The following DDX59 variants were observed in gnomAD, a reference collection of about 807,000 sequenced individuals.
DDX59 encodes the protein probable ATP-dependent RNA helicase DDX59.
Under a neutral mutation model 51.9 loss-of-function variants are expected in DDX59, and 30 were observed. That is an observed-to-expected ratio of 0.58 (90% CI 0.43 to 0.78). The LOEUF (loss-of-function observed/expected upper bound fraction) is 0.78. Among genes scored for constraint, DDX59 ranks in the 30% least tolerant of loss-of-function variants. DDX59 has a pLI of 0.00. For synonymous variants in DDX59, 255 were observed against 253.3 expected (o/e 1.01, Z -0.06); for missense variants, 672 against 730.8 (o/e 0.92, Z 0.93).
rs1359588116 is a variant in DDX59 at position 200,666,401 on chromosome 1, A to C, written c.340T>G (p.Tyr114Asp). 1 of 1,614,120 alleles carries C rather than the reference A, an allele frequency of 6.2e-7. No homozygotes were observed. Among genetic ancestry groups the C allele is most frequent in the Admixed American group, 1.7e-5 (1 of 60,022 alleles). The change falls in exon 2 of 8, where the codon TAT becomes GAT. Residue 114 changes from tyrosine (Y) to aspartate (D), a missense_variant. Tyr to Asp is a radical substitution (Grantham distance 160). Transcript: ENST00000331314. ...GTCTTATCACAGATATACTCTCCAT[A>C]ACGACCACAGACAACACAGATGGGT... Reference protein sequence around the residue: ...GEPICVVCGRYGEYICDKTDE... With the variant: ...GEPICVVCGRDGEYICDKTDE...
intron 4 of DDX59, among the ~76,000 whole-genome samples, chr1:200,653,381 C>G (rs184891884): frequency 9.8e-5 from 15 of 152,294 alleles, no homozygotes; most frequent in Admixed American, 7.2e-4. Flanking sequence ...TTCATCTGTT[C>G]TCTTTACCAC....
At chr1:200,660,946 T>C (rs1022062989) in intron 3 of DDX59, among the ~76,000 whole-genome samples, 7 of 152,208 alleles carry the variant, frequency 4.6e-5, no homozygotes, top group African/African-American at 9.7e-5. Context: ...CCTAGCTCTA[T>C]CCACTGGGAA....
chr1:200,649,074 C>A lies in DDX59; in HGVS notation c.1467G>T (p.Lys489Asn). The A allele has an allele frequency of 6.4e-7, 1 of 1,554,594 alleles. No individual in the cohort carries two copies. Residue 489 changes from lysine (K) to asparagine (N), a missense_variant and splice_region_variant, in exon 6 of 8, where the codon AAG (lysine) becomes AAT (asparagine). Transcript: ENST00000331314. ...GAATATAGAATATTGGGTGTCAAAC[C>A]TTCAATATGTTTTTCCTTTCTATTT... Reference protein sequence around the residue: ...KSQIERKNILKGLLEGDYEVV... With the variant: ...KSQIERKNILNGLLEGDYEVV...
rs536278651 is a variant in DDX59, at chr1:200,662,427, G to C, written c.972+1492C>G. On this transcript the variant is annotated intron_variant, in intron 3 of 7. Coordinates refer to ENST00000331314, the MANE Select transcript of DDX59 (RefSeq NM_001031725.6). ...ATGTGTGCTTTGGGAGGCCGAGGCAGGTGGATCACCTGAGCTCAGGAGTTT... is the reference window on the plus strand; with the variant it reads ...ATGTGTGCTTTGGGAGGCCGAGGCACGTGGATCACCTGAGCTCAGGAGTTT... Among the ~76,000 whole-genome samples the C allele has an allele frequency of 5.3e-5, 8 of 152,264 alleles. No homozygotes were observed. The South Asian group carries it at 1.7e-3, about 32-fold the overall frequency.
chr1:200,651,293 G>A (rs928205656), intron 4 of DDX59, among the ~76,000 whole-genome samples: 3 of 152,096 alleles, frequency 2.0e-5, no homozygotes, highest in African/African-American at 4.8e-5. Flanking sequence ...GGTCTGAACT[G>A]TGGTGATCCC....
intron 4 of DDX59, among the ~76,000 whole-genome samples, chr1:200,651,961 T>C (rs1222815505): frequency 7.3e-6 from 1 of 137,234 alleles, no homozygotes; most frequent in Non-Finnish European, 1.5e-5. Flanking sequence ...TGAGCCGAGA[T>C]CGTGCCAGTG....
rs748521357 is a variant in DDX59, at chr1:200,644,285, C to T, written c.1829G>A (p.Arg610Lys). 7.7e-6 allele frequency: 12 copies of T among 1,557,794 alleles called. No homozygotes were observed. The highest frequency in any genetic ancestry group is 1.0e-5 in the Non-Finnish European group (12 of 1,155,716). ...VTGANLMDII[R>K]KHDKSNSQK is the part of the protein sequence containing the mutation. Reference sequence around the variant, plus strand: ...CTGAGAATTACTTTTATCATGTTTTCTGATAATATCCATAAGATTAGCTCC... The same window carrying T: ...CTGAGAATTACTTTTATCATGTTTTTTGATAATATCCATAAGATTAGCTCC... Residue 610 changes from arginine (R) to lysine (K), a missense_variant, in exon 8 of 8, where the codon AGA (arginine) becomes AAA (lysine). Transcript: ENST00000331314.
At chr1:200,664,168 G>C in intron 2 of DDX59, 82 bp from the exon 3 acceptor site, 2 of 1,467,388 alleles carry the variant, frequency 1.4e-6, no homozygotes, top group Non-Finnish European at 9.2e-7. Flanking sequence ...AAGGATTCCA[G>C]GAACATGGCC....
intron 4 of DDX59, chr1:200,654,664 G>A (rs1477256003): frequency 6.6e-6 from 1 of 152,428 alleles, no homozygotes; most frequent in Non-Finnish European, 1.5e-5. Flanking sequence ...GGGGGAGTGA[G>A]GGATTTCAGA....
chr1:200,668,057 G>A (rs1450305418), intron 1 of DDX59, among the ~76,000 whole-genome samples: 1 of 152,108 alleles, frequency 6.6e-6, no homozygotes, highest in Non-Finnish European at 1.5e-5. Flanking sequence ...CTAGCACTTT[G>A]GGAGGCCGAG....
intron 3 of DDX59, among the ~76,000 whole-genome samples, chr1:200,661,980 T>C (rs1239816533): frequency 6.6e-6 from 1 of 152,078 alleles, no homozygotes; most frequent in Non-Finnish European, 1.5e-5. Context: ...TAAAAGTGTG[T>C]AGCACCTCCC....
chr1:200,660,769 T>A (rs1259792829), intron 3 of DDX59, among the ~76,000 whole-genome samples: 2 of 152,132 alleles, frequency 1.3e-5, no homozygotes, highest in Admixed American at 1.3e-4. Context: ...CAACATGGAT[T>A]TCAACTGTGT....
intron 2 of DDX59, among the ~76,000 whole-genome samples, chr1:200,665,149 G>A (rs1007797713): frequency 6.6e-6 from 1 of 152,178 alleles, no homozygotes; most frequent in Non-Finnish European, 1.5e-5. Context: ...ATGAACCATA[G>A]ATCACATTTA....
At chr1:200,659,705 TTTG>T (rs994236939) in intron 3 of DDX59, among the ~76,000 whole-genome samples, 1 of 152,158 alleles carries the variant, frequency 6.6e-6, no homozygotes, top group Non-Finnish European at 1.5e-5. Flanking sequence ...ATGGGGGCTT[TTTG>T]TTGTTGTTGT....
chr1:200,649,088 T>C lies in DDX59; in HGVS notation c.1453A>G (p.Lys485Glu). ...IHSEKSQIER[K>E]NILKGLLEGD... ...GGGTGTCAAACCTTCAATATGTTTTTCCTTTCTATTTGCGACTTCTCTGAA... is the reference window on the plus strand; with the variant it reads ...GGGTGTCAAACCTTCAATATGTTTTCCCTTTCTATTTGCGACTTCTCTGAA... Residue 485 changes from lysine (K) to glutamate (E), a missense_variant, in exon 6 of 8, where the codon AAA becomes GAA. Transcript: ENST00000331314. 6.4e-7 allele frequency: 1 copy of C among 1,565,652 alleles called. No individual in the cohort carries two copies. The highest frequency in any genetic ancestry group is 8.6e-7 in the Non-Finnish European group (1 of 1,163,998).
chr1:200,652,534 T>C (rs1661732338), intron 4 of DDX59, among the ~76,000 whole-genome samples: 2 of 152,016 alleles, frequency 1.3e-5, no homozygotes, highest in South Asian at 4.2e-4. Flanking sequence ...CACACCCATC[T>C]AATTTTGTAT....
Position 200,659,078 on chromosome 1 carries a change from T to C in DDX59, c.1011A>G (p.Ile337Met). The change falls in exon 4 of 8, where the codon ATA becomes ATG. Residue 337 changes from isoleucine to methionine, a missense_variant. Physicochemically the swap from Ile to Met is conservative, Grantham distance 10. Transcript: ENST00000331314. ...CACAGAGTTCTACAGAGCTCTGCTT[T>C]ATTATATCCAGAAGTCGCCCAGGGG... ...IATPGRLLDI[I>M]KQSSVELCGV... The C allele has an allele frequency of 6.2e-7, 1 of 1,613,892 alleles. No homozygotes were observed.
chr1:200,659,648 G>C (rs1014914442), intron 3 of DDX59, among the ~76,000 whole-genome samples: 3 of 152,148 alleles, frequency 2.0e-5, no homozygotes, highest in African/African-American at 7.2e-5. Flanking sequence ...TGATTTCTAA[G>C]GTTGCTTAAG....
Position 200,652,179 on chromosome 1 carries a change from G to A in DDX59, c.1063-1503C>T, listed in dbSNP as rs192689283. 1.7e-3 allele frequency among the ~76,000 whole-genome samples: 264 copies of A among 152,158 alleles called. 1 individual carries two copies. Among genetic ancestry groups the A allele is most frequent in the African/African-American group, 6.0e-3 (248 of 41,488 alleles). On this transcript the variant is annotated intron_variant, in intron 4 of 7. Transcript: ENST00000331314. ...GCATGGGGGTGTTTGTTTTGAGACAGGGTCTTGCTGTCGCACAGGCTGTAG... is the reference window on the plus strand; with the variant it reads ...GCATGGGGGTGTTTGTTTTGAGACAAGGTCTTGCTGTCGCACAGGCTGTAG...
Sources: allele counts gnomAD v4.1 joint callset (sites outside exome capture counted in the v4.1 genomes callset), GRCh38; gene constraint gnomAD v4.1.1; transcripts MANE v1.5; gene names NCBI Gene and HGNC (gene_info 2026-07-23, HGNC 2026-07-21).